CNTLN: variants seen among roughly 807,000 people sequenced by gnomAD.
CNTLN encodes centlein, centrosomal protein.
In CNTLN, 212 loss-of-function variants were observed where a neutral mutation model predicts 180.0. The observed-to-expected ratio is 1.18, with a 90% CI of 1.05 to 1.32. The LOEUF (loss-of-function observed/expected upper bound fraction) is 1.32, where lower values mean the gene tolerates loss of function less well. Ranked by LOEUF, CNTLN falls within the 40% of genes most tolerant of loss-of-function variation. The pLI, the probability that CNTLN is intolerant of heterozygous loss-of-function variation, is 0.00. For missense variants in CNTLN, 2,095 were observed against 1,610.9 expected (o/e 1.30, Z -5.14); for synonymous variants, 722 against 563.1 (o/e 1.28, Z -3.99).
intron 2 of CNTLN, among the ~76,000 whole-genome samples, chr9:17,177,744 C>T (rs959727335): frequency 5.9e-5 from 9 of 152,036 alleles, no homozygotes; most frequent in Admixed American, 4.6e-4. Flanking sequence ...CAGACCTTCG[C>T]GGTGAGTGTT....
At chr9:17,290,058 G>A (rs1829264359) in intron 6 of CNTLN, among the ~76,000 whole-genome samples, 1 of 152,198 alleles carries the variant, frequency 6.6e-6, no homozygotes, top group Non-Finnish European at 1.5e-5. Context: ...GTGAGGAACT[G>A]CGTTCCTTTG....
chr9:17,260,516 T>G (rs1826880224), intron 5 of CNTLN, among the ~76,000 whole-genome samples: 1 of 151,338 alleles, frequency 6.6e-6, no homozygotes, highest in African/African-American at 2.5e-5. Context: ...GATCATTTGT[T>G]TTTTTGCTTG....
intron 7 of CNTLN, among the ~76,000 whole-genome samples, chr9:17,304,818 A>G (rs777072147): frequency 6.6e-5 from 10 of 152,094 alleles, no homozygotes; most frequent in Non-Finnish European, 1.2e-4. Context: ...CTTATAAGTA[A>G]TCCGGAGATG....
At chr9:17,353,130 A>G (rs1354529574) in intron 12 of CNTLN, among the ~76,000 whole-genome samples, 3 of 151,644 alleles carry the variant, frequency 2.0e-5, no homozygotes, top group Non-Finnish European at 4.4e-5. Flanking sequence ...TTATTTTTCT[A>G]TTTTTTGTAG....
At position 17,375,916 on chromosome 9, in the gene CNTLN, G is replaced by T. The variant is rs138911153; in HGVS notation, c.1987+9199G>T. ...CATTAGAAAAATTAAAGATTGATAT[G>T]ACAGGATTTTTTGTTGTTTAACCTG... is the stretch of plus-strand genomic sequence containing the variant. On this transcript the variant is annotated intron_variant, in intron 13 of 25. Transcript: ENST00000380647. 3.7e-3 allele frequency among the ~76,000 whole-genome samples: 570 copies of T among 152,240 alleles called. 2 individuals are homozygous for T. The highest frequency in any genetic ancestry group is 6.2e-3 in the Non-Finnish European group (422 of 67,996).
intron 2 of CNTLN, among the ~76,000 whole-genome samples, chr9:17,199,715 G>A (rs1194122502): frequency 6.6e-6 from 1 of 152,088 alleles, no homozygotes; most frequent in Non-Finnish European, 1.5e-5. Flanking sequence ...TCTGTTTTGA[G>A]TTCCTTGTAG....
chr9:17,393,794 C>T (rs1826288437), intron 14 of CNTLN, among the ~76,000 whole-genome samples: 1 of 152,040 alleles, frequency 6.6e-6, no homozygotes, highest in Admixed American at 6.6e-5. Context: ...GAATTAATTG[C>T]CCAGACTTAT....
intron 8 of CNTLN, among the ~76,000 whole-genome samples, chr9:17,324,338 CTT>C (rs2133063172): frequency 6.6e-6 from 1 of 152,174 alleles, no homozygotes; most frequent in African/African-American, 2.4e-5. Flanking sequence ...GAATGTGAGG[CTT>C]ATAACATATT....
intron 10 of CNTLN, among the ~76,000 whole-genome samples, chr9:17,337,353 C>T (rs1821122033): frequency 2.0e-5 from 3 of 152,122 alleles, no homozygotes; most frequent in Non-Finnish European, 1.5e-5. Context: ...GTTGCCATTG[C>T]TTTTGGTGTT....
intron 25 of CNTLN, 50 bp from the exon 26 acceptor site, chr9:17,502,501 A>G (rs777606387): frequency 1.1e-6 from 1 of 877,086 alleles, no homozygotes; most frequent in Non-Finnish European, 1.7e-6. Flanking sequence ...ATGTTTTTGA[A>G]CTGAAGAAAA....
intron 2 of CNTLN, among the ~76,000 whole-genome samples, chr9:17,171,043 G>A (rs561565956): frequency 2.6e-5 from 4 of 152,248 alleles, no homozygotes; most frequent in East Asian, 1.9e-4. Context: ...ACTCTGTGAC[G>A]TTTGCACAAG....
chr9:17,303,419 TCTCTG>T (rs1818504051), intron 7 of CNTLN, among the ~76,000 whole-genome samples: 1 of 152,186 alleles, frequency 6.6e-6, no homozygotes, highest in African/African-American at 2.4e-5. Flanking sequence ...CAGTTACCTT[TCTCTG>T]TGAAAAGGGC....
chr9:17,234,429 C>T (rs1825009404), intron 3 of CNTLN, among the ~76,000 whole-genome samples: 1 of 131,124 alleles, frequency 7.6e-6, no homozygotes, highest in Admixed American at 7.1e-5. Flanking sequence ...GGTGACATGA[C>T]AGAGCGAGAC....
intron 12 of CNTLN, among the ~76,000 whole-genome samples, chr9:17,355,312 A>C (rs1406560697): frequency 2.0e-5 from 3 of 152,204 alleles, no homozygotes; most frequent in African/African-American, 7.2e-5. Flanking sequence ...GGTGTGAGCC[A>C]CCGTGCCCAG....
chr9:17,312,352 T>TATATATATATATATATATATATATATA, intron 8 of CNTLN, among the ~76,000 whole-genome samples: 1 of 15,524 alleles, frequency 6.4e-5, no homozygotes, highest in Admixed American at 9.0e-4. Context: ...TTTATATATA[T>TATATATATATATATATATATATATATA]ATATATATAT....
At position 17,403,812 on chromosome 9, in the gene CNTLN, G is replaced by T. The variant is rs1024343210; in HGVS notation, c.2616-5481G>T. On this transcript the variant is annotated intron_variant, in intron 15 of 25. Coordinates refer to ENST00000380647, the MANE Select transcript of CNTLN (RefSeq NM_017738.4). ...TTAGTTTGAGACAGAGTCTCGCTCT[G>T]TTGCCCAGACTGGAGTGCAGTGGTG... Among the ~76,000 whole-genome samples, 13 of 151,684 alleles carry T rather than the reference G, an allele frequency of 8.6e-5. 1 individual carries two copies. Among genetic ancestry groups the T allele is most frequent in the Non-Finnish European group, 1.3e-4 (9 of 68,022 alleles).
chr9:17,465,114 G>T (rs1588057541), intron 21 of CNTLN, among the ~76,000 whole-genome samples: 1 of 149,662 alleles, frequency 6.7e-6, no homozygotes, highest in Admixed American at 6.7e-5. Context: ...AAAGTAGAAG[G>T]GTTTTTTTTG....
chr9:17,233,436 T>TA (rs1824934432), intron 3 of CNTLN, among the ~76,000 whole-genome samples: 2 of 152,294 alleles, frequency 1.3e-5, no homozygotes, highest in East Asian at 3.9e-4. Flanking sequence ...GTGTGCCTAT[T>TA]ACCTTGATAT....
At chr9:17,189,245 G>A (rs537192378) in intron 2 of CNTLN, among the ~76,000 whole-genome samples, 1 of 150,522 alleles carries the variant, frequency 6.6e-6, no homozygotes, top group East Asian at 2.0e-4. Context: ...ACTACGCCCG[G>A]CTAATTTTTT....
Sources: allele counts gnomAD v4.1 joint callset (sites outside exome capture counted in the v4.1 genomes callset), GRCh38; gene constraint gnomAD v4.1.1; transcripts MANE v1.5; gene names NCBI Gene and HGNC (gene_info 2026-07-23, HGNC 2026-07-21).